HS6ST3: variants seen among roughly 807,000 people sequenced by gnomAD.
The protein encoded by HS6ST3 is heparan sulfate 6-O-sulfotransferase 3.
A neutral mutation model predicts 36.7 loss-of-function variants in HS6ST3; 12 were observed. That is an observed-to-expected ratio of 0.33 (90% confidence interval 0.21 to 0.53). The LOEUF (loss-of-function observed/expected upper bound fraction) is 0.53. HS6ST3 is among the 20% of genes least tolerant of loss of function. The pLI, the probability that HS6ST3 is intolerant of heterozygous loss-of-function variation, is 0.95. For synonymous variants in HS6ST3, 240 were observed against 257.5 expected, an observed-to-expected ratio of 0.93 and a Z score of 0.65; for missense variants, 584 against 640.9, an observed-to-expected ratio of 0.91 and a Z score of 0.96.
intron 1 of HS6ST3, among the ~76,000 whole-genome samples, chr13:96,794,564 C>T (rs1410751722): frequency 6.6e-6 from 1 of 152,062 alleles, no homozygotes; most frequent in Non-Finnish European, 1.5e-5. Flanking sequence ...AATTACTCTA[C>T]CTGCAAATAA....
intron 1 of HS6ST3, among the ~76,000 whole-genome samples, chr13:96,610,502 G>A (rs535406970): frequency 6.6e-6 from 1 of 152,272 alleles, no homozygotes; most frequent in South Asian, 2.1e-4. Context: ...TTATTCTCCT[G>A]TATAATGAAT....
At chr13:96,761,119 C>CT (rs879894476) in intron 1 of HS6ST3, among the ~76,000 whole-genome samples, 144 of 143,102 alleles carry the variant, frequency 1.0e-3, no homozygotes, top group South Asian at 2.0e-3. Flanking sequence ...TTTTTTTTCA[C>CT]TTTTTTTTTT....
At chr13:96,572,886 C>A (rs1359633670) in intron 1 of HS6ST3, among the ~76,000 whole-genome samples, 3 of 152,160 alleles carry the variant, frequency 2.0e-5, no homozygotes, top group African/African-American at 7.2e-5. Context: ...TTCCAAGAAG[C>A]AATGATAGGC....
chr13:96,319,650 T>C (rs2054994206), intron 1 of HS6ST3, among the ~76,000 whole-genome samples: 1 of 152,174 alleles, frequency 6.6e-6, no homozygotes, highest in Non-Finnish European at 1.5e-5. Flanking sequence ...GTCCTAGGCT[T>C]TTAATTGAAT....
chr13:96,288,193 C>G (rs937103675), intron 1 of HS6ST3, among the ~76,000 whole-genome samples: 2 of 152,154 alleles, frequency 1.3e-5, no homozygotes, highest in African/African-American at 4.8e-5. Flanking sequence ...TGTAATCCCT[C>G]TCTGAACCTG....
chr13:96,506,470 T>G (rs373279585), intron 1 of HS6ST3, among the ~76,000 whole-genome samples: 3 of 152,198 alleles, frequency 2.0e-5, no homozygotes, highest in Admixed American at 6.5e-5. Flanking sequence ...CCATGAAGGC[T>G]GCCTCTGCAA....
chr13:96,563,041 C>CAAAAAAAA (rs34175542), intron 1 of HS6ST3, among the ~76,000 whole-genome samples: 1 of 79,408 alleles, frequency 1.3e-5, no homozygotes. Flanking sequence ...GCAGAAATAG[C>CAAAAAAAA]AAAAAAAAAA....
At chr13:96,502,710 A>C (rs1453528471) in intron 1 of HS6ST3, among the ~76,000 whole-genome samples, 1 of 152,146 alleles carries the variant, frequency 6.6e-6, no homozygotes, top group Non-Finnish European at 1.5e-5. Flanking sequence ...CTGGGACGGG[A>C]ACATGCACCA....
intron 1 of HS6ST3, among the ~76,000 whole-genome samples, chr13:96,688,539 G>A (rs1477362264): frequency 6.6e-6 from 1 of 151,986 alleles, no homozygotes; most frequent in East Asian, 1.9e-4. Flanking sequence ...TAGTGCTGAA[G>A]GAATAGCGGA....
At chr13:96,500,241 G>T (rs2055997586) in intron 1 of HS6ST3, among the ~76,000 whole-genome samples, 1 of 152,146 alleles carries the variant, frequency 6.6e-6, no homozygotes, top group South Asian at 2.1e-4. Flanking sequence ...GCTCATCCAT[G>T]TTGTAGCAGG....
At chr13:96,656,525 G>C (rs1211115166) in intron 1 of HS6ST3, among the ~76,000 whole-genome samples, 1 of 152,112 alleles carries the variant, frequency 6.6e-6, no homozygotes. Context: ...TCTGAAAGTA[G>C]AATAAAGGCC....
At chr13:96,543,742 T>C (rs1478080068) in intron 1 of HS6ST3, among the ~76,000 whole-genome samples, 1 of 152,172 alleles carries the variant, frequency 6.6e-6, no homozygotes, top group Non-Finnish European at 1.5e-5. Context: ...GTGTGGCTGA[T>C]TGTGCTTCAG....
chr13:96,143,080 C>T (rs2054039754), intron 1 of HS6ST3, among the ~76,000 whole-genome samples: 1 of 152,040 alleles, frequency 6.6e-6, no homozygotes, highest in Non-Finnish European at 1.5e-5. Context: ...AGATCATTCA[C>T]TATCATAACA....
At chr13:96,764,392 A>G (rs1877044148) in intron 1 of HS6ST3, among the ~76,000 whole-genome samples, 1 of 152,222 alleles carries the variant, frequency 6.6e-6, no homozygotes, top group Non-Finnish European at 1.5e-5. Flanking sequence ...AAAGCACCTG[A>G]AACCAAGCCT....
At chr13:96,603,167 CACCT>C (rs2056427624) in intron 1 of HS6ST3, among the ~76,000 whole-genome samples, 1 of 152,160 alleles carries the variant, frequency 6.6e-6, no homozygotes. Context: ...GTGTAACAGC[CACCT>C]ACCTATATTA....
At chr13:96,139,404 C>T (rs2054018103) in intron 1 of HS6ST3, among the ~76,000 whole-genome samples, 4 of 152,008 alleles carry the variant, frequency 2.6e-5, no homozygotes, top group African/African-American at 7.2e-5. Context: ...CATAACCCTA[C>T]ATCCCTGTTA....
intron 1 of HS6ST3, among the ~76,000 whole-genome samples, chr13:96,627,246 T>G (rs768732422): frequency 5.3e-5 from 8 of 152,086 alleles, no homozygotes; most frequent in Non-Finnish European, 1.0e-4. Flanking sequence ...CATAAATGTG[T>G]GTTGAGTTTT....
chr13:96,502,332 G>T (rs1015946238), intron 1 of HS6ST3, among the ~76,000 whole-genome samples: 2 of 149,554 alleles, frequency 1.3e-5, no homozygotes, highest in Non-Finnish European at 3.0e-5. Context: ...GCTACCCTGT[G>T]CCTGTGTCTA....
intron 1 of HS6ST3, among the ~76,000 whole-genome samples, chr13:96,777,878 C>T (rs1202606626): frequency 2.6e-5 from 4 of 152,130 alleles, no homozygotes; most frequent in Non-Finnish European, 1.5e-5. Context: ...CAATCCTAAG[C>T]AAAAAGAACA....
Sources: allele counts gnomAD v4.1 joint callset (sites outside exome capture counted in the v4.1 genomes callset), GRCh38; gene constraint gnomAD v4.1.1; transcripts MANE v1.5; gene names NCBI Gene and HGNC (gene_info 2026-07-23, HGNC 2026-07-21).